VSIG1: variants seen among roughly 807,000 people sequenced by gnomAD.
VSIG1 encodes V-set and immunoglobulin domain containing 1, also known as V-set and immunoglobulin domain-containing protein 1.
In VSIG1, 11 loss-of-function variants were observed where a neutral mutation model predicts 20.1. That is an observed-to-expected ratio of 0.55 (90% confidence interval 0.34 to 0.91). VSIG1 has a LOEUF of 0.91. Ranked by LOEUF, VSIG1 falls within the 40% of genes least tolerant of loss-of-function variation. The pLI, the probability that VSIG1 is intolerant of heterozygous loss-of-function variation, is 0.02. For missense variants in VSIG1, 283 were observed against 298.8 expected, an observed-to-expected ratio of 0.95 and a Z score of 0.39; for synonymous variants, 126 against 116.7, an observed-to-expected ratio of 1.08 and a Z score of -0.52.
At chrX:108,019,435 A>C in the VSIG1 span, among the ~76,000 whole-genome samples, 2 of 112,389 alleles carry the variant, frequency 1.8e-5, no homozygotes, top group Non-Finnish European at 3.8e-5. Flanking sequence ...GCCCTATGCC[A>C]CCAGTGGAAT....
At chrX:108,068,486 C>T (rs1485506747) in intron 3 of VSIG1, among the ~76,000 whole-genome samples, 1 of 111,626 alleles carries the variant, frequency 9.0e-6, no homozygotes, top group Non-Finnish European at 1.9e-5. Context: ...AGCATAGCAG[C>T]TTCTTGGGAA....
At chrX:108,047,634 G>A (rs193048293) in intron 1 of VSIG1, among the ~76,000 whole-genome samples, 3,391 of 105,539 alleles carry the variant, frequency 0.032, 136 homozygotes, top group African/African-American at 0.11. Context: ...AAATCTATCA[G>A]ATTAAATATG....
In VSIG1 at chrX:108,072,789, T is replaced by C. The variant is rs2031276620; in HGVS notation, c.525T>C (p.His175=). ...LGTPSPVYYW[H]KLEGRDIVPV... ...CACCTTCCCCTGTGTACTACTGGCA[T>C]AAACTTGAGGGAAGAGACATCGTGC... Residue 175 remains histidine, a synonymous_variant, in exon 4 of 7, where the codon CAT becomes CAC. Transcript: ENST00000217957. 5.0e-6 allele frequency: 6 copies of C among 1,211,195 alleles called. No homozygotes were observed. In the East Asian group the frequency reaches 1.8e-4, roughly 36 times the overall value.
chrX:108,044,549 C>T (rs986379078), upstream of VSIG1, among the ~76,000 whole-genome samples: 2 of 111,625 alleles, frequency 1.8e-5, no homozygotes, highest in East Asian at 5.6e-4. Flanking sequence ...TGACAACTGC[C>T]AGTGTTTCAA....
chrX:108,048,055 G>A (rs2030701461), intron 1 of VSIG1, among the ~76,000 whole-genome samples: 1 of 94,099 alleles, frequency 1.1e-5, no homozygotes. Context: ...CCAGGCTGGA[G>A]TGCAATGGCA....
the VSIG1 span, among the ~76,000 whole-genome samples, chrX:108,030,477 T>C: frequency 9.0e-6 from 1 of 111,469 alleles, no homozygotes; most frequent in Non-Finnish European, 1.9e-5. Flanking sequence ...GAAACCTCAG[T>C]AGGCTCAAGG....
the VSIG1 span, among the ~76,000 whole-genome samples, chrX:108,031,353 A>G: frequency 8.9e-6 from 1 of 112,355 alleles, no homozygotes; most frequent in Non-Finnish European, 1.9e-5. Context: ...TGTGTGTGCC[A>G]ATCATTAATC....
At position 108,077,198 on chromosome X, in the gene VSIG1, G is replaced by C; in HGVS notation, c.981G>C (p.Glu327Asp). The C allele has an allele frequency of 8.3e-7, 1 of 1,211,886 alleles. No individual in the cohort carries two copies. Among genetic ancestry groups the C allele is most frequent in the Non-Finnish European group, 1.1e-6 (1 of 895,566 alleles). Residue 327 changes from glutamate to aspartate, a missense_variant, in exon 7 of 7, where the codon GAG (glutamate) becomes GAC (aspartate). Physicochemically the swap from Glu to Asp is conservative, Grantham distance 45. Transcript: ENST00000217957. ...EPDYEPKPTQEPAPEPAPGSE... is the reference protein window; with the variant it reads ...EPDYEPKPTQDPAPEPAPGSE... The stretch of plus-strand genomic sequence containing the variant: ...ACTATGAGCCAAAGCCTACTCAGGA[G>C]CCTGCCCCAGAGCCTGCCCCAGGAT...
chrX:108,037,393 A>G, the VSIG1 span, among the ~76,000 whole-genome samples: 22 of 111,920 alleles, frequency 2.0e-4, no homozygotes, highest in African/African-American at 6.8e-4. Context: ...CTGGTGCCAT[A>G]AGAATTACAT....
the VSIG1 span, among the ~76,000 whole-genome samples, chrX:108,035,154 A>C: frequency 4.5e-5 from 5 of 111,707 alleles, no homozygotes; most frequent in African/African-American, 1.6e-4. Context: ...GCTGGAGTGC[A>C]GTGGCATGAT....
At chrX:108,067,976 C>T (rs1367230504) in intron 3 of VSIG1, among the ~76,000 whole-genome samples, 1 of 112,513 alleles carries the variant, frequency 8.9e-6, no homozygotes, top group African/African-American at 3.2e-5. Flanking sequence ...CCAAATGAAG[C>T]TGATCTAGTC....
At chrX:108,037,572 G>A in the VSIG1 span, among the ~76,000 whole-genome samples, 11 of 112,205 alleles carry the variant, frequency 9.8e-5, no homozygotes, top group Admixed American at 9.4e-4. Context: ...TGACCTAGCT[G>A]TTTCCAAAGA....
chrX:108,077,088 A>G lies in VSIG1; in HGVS notation c.871A>G (p.Met291Val), dbSNP rs146990837. Residue 291 changes from methionine to valine, a missense_variant, in exon 7 of 7, where the codon ATG becomes GTG. Transcript: ENST00000217957. ...AAACCCAAGGGGAGAAAGCGAAGCAATGCCAAGAGAAGACGCTACCCAACT... is the reference window on the plus strand; with the variant it reads ...AAACCCAAGGGGAGAAAGCGAAGCAGTGCCAAGAGAAGACGCTACCCAACT... ...KINPRGESEA[M>V]PREDATQLEV... The G allele has an allele frequency of 2.9e-4, 347 of 1,209,479 alleles. No individual in the cohort carries two copies. The highest frequency in any genetic ancestry group is 3.7e-4 in the Non-Finnish European group (332 of 895,077).
chrX:108,061,270 G>C (rs1297225960), intron 2 of VSIG1, among the ~76,000 whole-genome samples: 1 of 112,334 alleles, frequency 8.9e-6, no homozygotes, highest in African/African-American at 3.2e-5. Context: ...AGGATAAAAA[G>C]ACTGCTGCAC....
At chrX:108,041,707 CT>C (rs1395771878), upstream of VSIG1, among the ~76,000 whole-genome samples, 5 of 106,588 alleles carry the variant, frequency 4.7e-5, no homozygotes, top group Non-Finnish European at 9.7e-5. Flanking sequence ...CCTCTGTATC[CT>C]TGTTTGTCCT....
chrX:108,026,056 A>G, the VSIG1 span, among the ~76,000 whole-genome samples: 1 of 112,196 alleles, frequency 8.9e-6, no homozygotes, highest in African/African-American at 3.2e-5. Flanking sequence ...AAATTTTCCC[A>G]ACAATGTTGT....
intron 2 of VSIG1, among the ~76,000 whole-genome samples, chrX:108,062,525 C>A (rs781593213): frequency 8.9e-6 from 1 of 112,027 alleles, no homozygotes; most frequent in Non-Finnish European, 1.9e-5. Context: ...TAGGGACTAG[C>A]GAAAGCTTAT....
the VSIG1 span, among the ~76,000 whole-genome samples, chrX:108,034,148 AGGTTTTGGGGTTGGG>A: frequency 9.1e-6 from 1 of 109,726 alleles, no homozygotes; most frequent in Non-Finnish European, 1.9e-5. Context: ...GCAGTGGAGG[AGGTTTTGGGGTTGGG>A]GGTGCTTGTA....
chrX:108,039,010 G>C, the VSIG1 span, among the ~76,000 whole-genome samples: 1 of 111,232 alleles, frequency 9.0e-6, no homozygotes, highest in Non-Finnish European at 1.9e-5. Flanking sequence ...GCTACTTGAG[G>C]CTTGTGGCTG....
Sources: gnomAD v4.1 joint callset for allele counts (sites outside exome capture counted in the v4.1 genomes callset) on GRCh38, gnomAD v4.1.1 for gene constraint, MANE v1.5 for transcripts, NCBI Gene and HGNC (gene_info 2026-07-23, HGNC 2026-07-21) for gene names.